RBFOX1: variants seen among roughly 807,000 people sequenced by gnomAD.
The protein encoded by RBFOX1 is RNA binding fox-1 homolog 1.
RBFOX1 carries 8 observed loss-of-function variants against 57.7 expected under a neutral mutation model. The observed-to-expected ratio is 0.14, with a 90% CI of 0.08 to 0.25. RBFOX1 has a LOEUF of 0.25. RBFOX1 is among the 10% of genes least tolerant of loss of function. RBFOX1 has a pLI of 1.00. For missense variants in RBFOX1, 611 were observed against 548.5 expected (o/e 1.11, Z -1.14); for synonymous variants, 326 against 222.4 (o/e 1.47, Z -4.15).
chr16:6,662,532 A>G (rs1274732541), intron 3 of RBFOX1, among the ~76,000 whole-genome samples: 1 of 152,162 alleles, frequency 6.6e-6, no homozygotes, highest in Non-Finnish European at 1.5e-5. Flanking sequence ...CAGGTGGCAA[A>G]TGAGGTACCT....
chr16:6,819,100 G>T (rs1405950722), intron 3 of RBFOX1, among the ~76,000 whole-genome samples: 1 of 152,138 alleles, frequency 6.6e-6, no homozygotes, highest in African/African-American at 2.4e-5. Context: ...CAGACTTCCG[G>T]TTTCAGGATC....
chr16:7,153,119 G>A (rs925049647), intron 4 of RBFOX1, among the ~76,000 whole-genome samples: 6 of 152,096 alleles, frequency 3.9e-5, no homozygotes, highest in African/African-American at 1.4e-4. Flanking sequence ...TCTGGCTGGA[G>A]AGAAAAATTA....
At chr16:6,897,392 G>A (rs923573021) in intron 3 of RBFOX1, among the ~76,000 whole-genome samples, 1 of 151,874 alleles carries the variant, frequency 6.6e-6, no homozygotes, top group Non-Finnish European at 1.5e-5. Flanking sequence ...GACAGAGCGA[G>A]ACTCCGTCAC....
At chr16:5,506,217 C>T (rs1357141875) in intron 2 of RBFOX1, among the ~76,000 whole-genome samples, 2 of 152,212 alleles carry the variant, frequency 1.3e-5, no homozygotes, top group African/African-American at 2.4e-5. Context: ...TGTCCTCCCA[C>T]CTCTCCTACA....
chr16:7,076,446 T>G (rs1475576482), intron 4 of RBFOX1, among the ~76,000 whole-genome samples: 1 of 152,080 alleles, frequency 6.6e-6, no homozygotes, highest in Non-Finnish European at 1.5e-5. Context: ...AGAAAAAAGT[T>G]AAGAAAATAG....
chr16:5,599,219 G>T (rs1381583930), exon 3 of RBFOX1: 4 of 697,516 alleles, frequency 5.7e-6, no homozygotes, highest in Non-Finnish European at 1.0e-5. Flanking sequence ...GGCCCACTTG[G>T]TGGACAGATC....
intron 4 of RBFOX1, among the ~76,000 whole-genome samples, chr16:7,481,611 G>A (rs1180797535): frequency 6.6e-6 from 1 of 152,154 alleles, no homozygotes; most frequent in Non-Finnish European, 1.5e-5. Flanking sequence ...GATAACTACA[G>A]CAAATAACAA....
At chr16:6,493,121 G>A (rs573930922) in intron 2 of RBFOX1, among the ~76,000 whole-genome samples, 6 of 152,244 alleles carry the variant, frequency 3.9e-5, no homozygotes, top group African/African-American at 1.4e-4. Flanking sequence ...CTTTACCCCT[G>A]AGCTGATACA....
chr16:6,330,498 C>T (rs144345006), intron 2 of RBFOX1, among the ~76,000 whole-genome samples: 60 of 152,308 alleles, frequency 3.9e-4, no homozygotes, highest in Non-Finnish European at 5.0e-4. Context: ...GGGCCCCTAA[C>T]ATTCCTGTGA....
chr16:7,298,990 G>C (rs914342969), intron 4 of RBFOX1, among the ~76,000 whole-genome samples: 2 of 152,146 alleles, frequency 1.3e-5, no homozygotes, highest in African/African-American at 4.8e-5. Context: ...AAGCAATGGT[G>C]GAGTGAATAT....
intron 3 of RBFOX1, among the ~76,000 whole-genome samples, chr16:6,836,901 G>T (rs949671107): frequency 6.6e-6 from 1 of 152,110 alleles, no homozygotes; most frequent in Non-Finnish European, 1.5e-5. Context: ...CATTGAATCA[G>T]CGTTGCCAAG....
At chr16:5,387,147 G>A (rs949602295) in intron 1 of RBFOX1, among the ~76,000 whole-genome samples, 1 of 152,228 alleles carries the variant, frequency 6.6e-6, no homozygotes, top group African/African-American at 2.4e-5. Context: ...ATCTTGGGGT[G>A]TAAGGACTGT....
chr16:6,281,601 T>C (rs1044560360), intron 1 of RBFOX1, among the ~76,000 whole-genome samples: 3 of 152,012 alleles, frequency 2.0e-5, no homozygotes, highest in Admixed American at 2.0e-4. Context: ...TTTGCATTAT[T>C]TTGTGGGAGA....
At chr16:5,639,603 A>G (rs11642805) in intron 3 of RBFOX1, among the ~76,000 whole-genome samples, 77,141 of 152,046 alleles carry the variant, frequency 0.51, 23,922 homozygotes, top group Non-Finnish European at 0.7. Context: ...TCTCCTGAAC[A>G]TCAAGTGGCA....
chr16:7,606,278 T>C (rs987963628), intron 9 of RBFOX1, among the ~76,000 whole-genome samples: 16 of 151,978 alleles, frequency 1.1e-4, no homozygotes, highest in Admixed American at 7.2e-4. Flanking sequence ...CCCACTATGA[T>C]GCCTGGCTAA....
intron 3 of RBFOX1, among the ~76,000 whole-genome samples, chr16:5,810,603 C>T (rs2055387363): frequency 6.6e-6 from 1 of 152,176 alleles, no homozygotes; most frequent in African/African-American, 2.4e-5. Flanking sequence ...GAGTGACACT[C>T]CTGCTGGGTT....
intron 3 of RBFOX1, among the ~76,000 whole-genome samples, chr16:6,862,790 G>T (rs1023673161): frequency 6.6e-6 from 1 of 152,098 alleles, no homozygotes; most frequent in African/African-American, 2.4e-5. Context: ...TTGAAGATCA[G>T]CCTGGCCAAA....
intron 1 of RBFOX1, among the ~76,000 whole-genome samples, chr16:5,250,088 C>A (rs1259367342): frequency 6.6e-6 from 1 of 151,500 alleles, no homozygotes. Context: ...GAGATTGTGT[C>A]CCTGGACTCC....
rs2060336810 is a variant in RBFOX1 at position 7,088,585 on chromosome 16, G to C, written c.27+36487G>C. Among the ~76,000 whole-genome samples, 3 of 151,904 alleles carry C rather than the reference G, an allele frequency of 2.0e-5. No homozygotes were observed. In the South Asian group the frequency reaches 6.3e-4, roughly 32 times the overall value. Reference sequence around the variant, plus strand: ...ATCGTATTAAAATAAGAGCAATGAAGTGGTAACCCGTAGTTATGAATTACA... The same window carrying C: ...ATCGTATTAAAATAAGAGCAATGAACTGGTAACCCGTAGTTATGAATTACA... On this transcript the variant is annotated intron_variant, in intron 4 of 15. Transcript: ENST00000550418.
Sources: allele counts gnomAD v4.1 joint callset (sites outside exome capture counted in the v4.1 genomes callset), GRCh38; gene constraint gnomAD v4.1.1; transcripts MANE v1.5; gene names NCBI Gene and HGNC (gene_info 2026-07-23, HGNC 2026-07-21).